The following CSMD3 variants were observed in gnomAD, a reference collection of about 807,000 sequenced individuals.
CSMD3 encodes the protein CUB and Sushi multiple domains 3.
A neutral mutation model predicts 435.2 loss-of-function variants in CSMD3; 177 were observed. The ratio of observed to expected loss-of-function variants is 0.41; its 90% CI spans 0.36 to 0.46. The LOEUF (loss-of-function observed/expected upper bound fraction) is 0.46, where lower values mean the gene tolerates loss of function less well. CSMD3 is among the 20% of genes least tolerant of loss of function. The pLI is 0.34. For synonymous variants in CSMD3, 1,656 were observed against 1,520.5 expected (o/e 1.09, Z -2.07); for missense variants, 4,265 against 4,504.6 (o/e 0.95, Z 1.52).
intron 1 of CSMD3, among the ~76,000 whole-genome samples, chr8:113,353,268 A>C (rs2094201479): frequency 6.6e-6 from 1 of 152,182 alleles, no homozygotes. Context: ...CCCTCAGAGG[A>C]AGAGATTCTC....
At chr8:112,805,363 A>T (rs576634725) in intron 12 of CSMD3, among the ~76,000 whole-genome samples, 86 of 152,276 alleles carry the variant, frequency 5.6e-4, no homozygotes, top group African/African-American at 1.9e-3. Flanking sequence ...CAAGTGGTTT[A>T]GTTTGAGGTG....
intron 13 of CSMD3, among the ~76,000 whole-genome samples, chr8:112,763,186 TAAA>T (rs1240866095): frequency 1.3e-5 from 2 of 151,576 alleles, no homozygotes; most frequent in South Asian, 2.1e-4. Context: ...GTTAAAAAAA[TAAA>T]AATCTTTGGC....
At chr8:113,018,462 T>C (rs1389178072) in intron 6 of CSMD3, among the ~76,000 whole-genome samples, 1 of 152,130 alleles carries the variant, frequency 6.6e-6, no homozygotes, top group Non-Finnish European at 1.5e-5. Context: ...AATGAATTAT[T>C]TACATAAGTA....
At chr8:112,981,507 T>C (rs1181266291) in intron 6 of CSMD3, among the ~76,000 whole-genome samples, 4 of 151,632 alleles carry the variant, frequency 2.6e-5, no homozygotes, top group African/African-American at 9.7e-5. Flanking sequence ...AGTATTAAAT[T>C]TTGCATTTGG....
At chr8:113,122,209 G>A (rs1462047180) in intron 4 of CSMD3, among the ~76,000 whole-genome samples, 1 of 152,018 alleles carries the variant, frequency 6.6e-6, no homozygotes, top group Non-Finnish European at 1.5e-5. Flanking sequence ...CAAACTGTTG[G>A]ATATTTTACT....
chr8:113,052,663 T>G (rs2131332724), intron 5 of CSMD3, among the ~76,000 whole-genome samples: 1 of 152,244 alleles, frequency 6.6e-6, no homozygotes, highest in Admixed American at 6.5e-5. Flanking sequence ...ATGCCTATAG[T>G]CCAAGCTACT....
rs184453488 is a variant in CSMD3 at position 112,384,318 on chromosome 8, C to T, written c.5935-655G>A. Among the ~76,000 whole-genome samples the T allele has an allele frequency of 9.2e-4, 140 of 152,138 alleles. 2 individuals carry two copies. The highest frequency in any genetic ancestry group is 3.1e-3 in the African/African-American group (130 of 41,506). On this transcript the variant is annotated intron_variant, in intron 36 of 70. Transcript: ENST00000297405. ...TTAATGAATAGAGTTATAGTAACTA[C>T]GTCACAGTGAAGGTCCTTAAAGTTG...
At chr8:113,423,041 C>T (rs763326344) in intron 1 of CSMD3, among the ~76,000 whole-genome samples, 1 of 151,672 alleles carries the variant, frequency 6.6e-6, no homozygotes, top group Non-Finnish European at 1.5e-5. Context: ...ATATAAATAG[C>T]CTGAATATAA....
At chr8:112,716,087 A>G (rs2076720111) in intron 13 of CSMD3, among the ~76,000 whole-genome samples, 1 of 152,154 alleles carries the variant, frequency 6.6e-6, no homozygotes, top group South Asian at 2.1e-4. Context: ...CAATCAGGCA[A>G]GAGAAAGAAA....
At position 112,829,819 on chromosome 8, in the gene CSMD3, A is replaced by C. The variant is rs371585571; in HGVS notation, c.1756-30T>G. The C allele has an allele frequency of 9.3e-6, 11 of 1,177,052 alleles. No homozygotes were observed. In the African/African-American group the frequency reaches 1.7e-4, roughly 18 times the overall value. 72.9% of individuals were successfully genotyped at this position (1,177,052 alleles called of 1,614,324 possible). A position where few individuals can be genotyped will look rare whatever the true frequency, so the allele number is the denominator to read the frequency against. On this transcript the variant is annotated intron_variant, in intron 11 of 70. Transcript: ENST00000297405. Reference sequence around the variant, plus strand: ...CAGTAAACAGAAACATGCACCTTAAATATACTGCGTTGTGCAATAAAAACA... The same window carrying C: ...CAGTAAACAGAAACATGCACCTTAACTATACTGCGTTGTGCAATAAAAACA...
At chr8:112,284,283 T>G (rs576902346) in intron 58 of CSMD3, among the ~76,000 whole-genome samples, 20 of 151,988 alleles carry the variant, frequency 1.3e-4, no homozygotes, top group Middle Eastern at 3.4e-3. Flanking sequence ...ATTTTTATTT[T>G]TACATGTGCT....
At chr8:112,847,198 C>A (rs1239028231) in intron 11 of CSMD3, among the ~76,000 whole-genome samples, 1 of 152,056 alleles carries the variant, frequency 6.6e-6, no homozygotes, top group East Asian at 1.9e-4. Flanking sequence ...GATCAATAAC[C>A]CCCTTGGATG....
intron 2 of CSMD3, among the ~76,000 whole-genome samples, chr8:113,294,375 G>A (rs2093705136): frequency 6.6e-6 from 1 of 151,912 alleles, no homozygotes; most frequent in Admixed American, 6.6e-5. Flanking sequence ...TAACATATAT[G>A]TCTATACATG....
intron 20 of CSMD3, among the ~76,000 whole-genome samples, chr8:112,640,839 G>GA (rs917837968): frequency 1.1e-3 from 161 of 151,542 alleles, no homozygotes; most frequent in Non-Finnish European, 7.8e-4. Flanking sequence ...ATAAAGCTAA[G>GA]AAAAAAATAG....
chr8:112,407,267 A>G (rs1415381554), intron 34 of CSMD3, among the ~76,000 whole-genome samples: 1 of 152,032 alleles, frequency 6.6e-6, no homozygotes, highest in Admixed American at 6.6e-5. Flanking sequence ...TAGGTAGAAT[A>G]TATGTCAGAC....
intron 3 of CSMD3, among the ~76,000 whole-genome samples, chr8:113,210,837 C>T (rs1414747458): frequency 1.3e-5 from 2 of 151,598 alleles, no homozygotes; most frequent in African/African-American, 2.4e-5. Flanking sequence ...CCAAGAGCAC[C>T]GCTGCACTCT....
rs143622832 is a variant in CSMD3 at position 112,762,206 on chromosome 8, G to C, written c.1972+37956C>G. 5.3e-4 allele frequency among the ~76,000 whole-genome samples: 80 copies of C among 152,018 alleles called. 2 individuals carry two copies. The highest frequency in any genetic ancestry group is 1.9e-3 in the African/African-American group (78 of 41,524). ...ATCTGCATCATCTTTTTAATTATGA[G>C]AACGAGGCAGCAGATATGTTACTTT... is the stretch of plus-strand genomic sequence containing the variant. On this transcript the variant is annotated intron_variant, in intron 13 of 70. Coordinates refer to ENST00000297405, the MANE Select transcript of CSMD3 (RefSeq NM_198123.2).
rs917641074 is a variant in CSMD3 at position 112,698,863 on chromosome 8, C to G, written c.1973-8813G>C. 1.3e-4 allele frequency among the ~76,000 whole-genome samples: 20 copies of G among 152,098 alleles called. 1 individual carries two copies. The highest frequency in any genetic ancestry group is 4.6e-4 in the African/African-American group (19 of 41,434). Reference sequence around the variant, plus strand: ...CTATCTAGCTAAAGGATTGTAAATGCACCAATCGGTGCTGTGTGTCTCGCT... The same window carrying G: ...CTATCTAGCTAAAGGATTGTAAATGGACCAATCGGTGCTGTGTGTCTCGCT... On this transcript the variant is annotated intron_variant, in intron 13 of 70. Transcript: ENST00000297405.
At position 113,019,143 on chromosome 8, in the gene CSMD3, G is replaced by A. The variant is rs2131170972; in HGVS notation, c.954C>T (p.Ser318=). Residue 318 remains serine, a synonymous_variant, in exon 6 of 71, where the codon AGC becomes AGT. Transcript: ENST00000297405. The part of the protein sequence containing the change: ...SGMNIPPPII[S]NKNWLRLHFV... ...AATGCAGTCTGAGCCAGTTTTTGTT[G>A]CTGATAATTGGTGGTGGTATATTCA... 1 of 1,613,344 alleles carries A rather than the reference G, an allele frequency of 6.2e-7. No individual in the cohort carries two copies. Among genetic ancestry groups the A allele is most frequent in the Non-Finnish European group, 8.5e-7 (1 of 1,179,414 alleles).
Sources: allele counts gnomAD v4.1 joint callset (sites outside exome capture counted in the v4.1 genomes callset), GRCh38; gene constraint gnomAD v4.1.1; transcripts MANE v1.5; gene names NCBI Gene and HGNC (gene_info 2026-07-23, HGNC 2026-07-21).